Variants in MAP2 observed in about 807,000 individuals in gnomAD.
MAP2 encodes the protein microtubule associated protein 2.
In MAP2, 14 loss-of-function variants were observed where a neutral mutation model predicts 137.6. The ratio of observed to expected loss-of-function variants is 0.10; its 90% CI spans 0.07 to 0.16. MAP2 has a LOEUF of 0.16. Ranked by LOEUF, MAP2 falls within the 10% of genes least tolerant of loss-of-function variation. The pLI, the probability that MAP2 is intolerant of heterozygous loss-of-function variation, is 1.00. For missense variants in MAP2, 2,088 were observed against 2,191.5 expected, an observed-to-expected ratio of 0.95 and a Z score of 0.94; for synonymous variants, 786 against 782.3, an observed-to-expected ratio of 1.00 and a Z score of -0.08.
chr2:209,532,780 C>T (rs1233944569), intron 2 of MAP2, among the ~76,000 whole-genome samples: 2 of 152,168 alleles, frequency 1.3e-5, no homozygotes, highest in Non-Finnish European at 2.9e-5. Flanking sequence ...GTTGTACAGG[C>T]TATTTGCATT....
intron 1 of MAP2, among the ~76,000 whole-genome samples, chr2:209,497,868 A>G (rs1037470737): frequency 3.0e-4 from 45 of 152,300 alleles, no homozygotes; most frequent in African/African-American, 9.6e-4. Flanking sequence ...ACTGGGGATT[A>G]CAATTCAACA....
At chr2:209,576,722 G>C (rs1460843473) in intron 2 of MAP2, among the ~76,000 whole-genome samples, 1 of 152,062 alleles carries the variant, frequency 6.6e-6, no homozygotes, top group Non-Finnish European at 1.5e-5. Context: ...ACAGAAGAAG[G>C]GTAAGGCAAG....
intron 1 of MAP2, among the ~76,000 whole-genome samples, chr2:209,447,045 C>A (rs1331110420): frequency 6.6e-6 from 1 of 151,928 alleles, no homozygotes; most frequent in East Asian, 1.9e-4. Context: ...CAACCCACAT[C>A]TTGATTTTTC....
intron 4 of MAP2, among the ~76,000 whole-genome samples, chr2:209,651,160 A>G (rs2153604938): frequency 6.6e-6 from 1 of 152,316 alleles, no homozygotes; most frequent in African/African-American, 2.4e-5. Context: ...TGTGACTGGA[A>G]GAAAATGGCA....
intron 2 of MAP2, among the ~76,000 whole-genome samples, chr2:209,565,751 C>A (rs1201529056): frequency 6.6e-6 from 1 of 152,158 alleles, no homozygotes; most frequent in Admixed American, 6.6e-5. Flanking sequence ...CAAATTCATC[C>A]TCTCTAGTAC....
chr2:209,525,911 C>T (rs1206948943), intron 2 of MAP2, among the ~76,000 whole-genome samples: 1 of 152,030 alleles, frequency 6.6e-6, no homozygotes, highest in Non-Finnish European at 1.5e-5. Flanking sequence ...TGTCATATTT[C>T]TTTTCTTGTG....
At chr2:209,642,371 G>A (rs1281498881) in intron 4 of MAP2, among the ~76,000 whole-genome samples, 1 of 150,518 alleles carries the variant, frequency 6.6e-6, no homozygotes, top group South Asian at 2.1e-4. Flanking sequence ...AGACTGCAGC[G>A]AGCTATGATT....
intron 1 of MAP2, among the ~76,000 whole-genome samples, chr2:209,458,159 C>T (rs1001839808): frequency 2.6e-5 from 4 of 152,038 alleles, no homozygotes; most frequent in Admixed American, 1.3e-4. Flanking sequence ...TTGTAAAAGG[C>T]TTGGCTATAC....
chr2:209,466,030 G>A (rs10737940), intron 1 of MAP2, among the ~76,000 whole-genome samples: 95,383 of 151,858 alleles, frequency 0.63, 30,200 homozygotes, highest in Middle Eastern at 0.67. Context: ...ACCCAAAGCT[G>A]TCATTGAATG....
intron 2 of MAP2, among the ~76,000 whole-genome samples, chr2:209,575,452 T>C (rs754756229): frequency 8.9e-5 from 11 of 122,986 alleles, no homozygotes; most frequent in Admixed American, 2.3e-4. Context: ...ACCCGGGAGG[T>C]GGAGCTTGCA....
At chr2:209,662,905 T>C (rs2044352091) in intron 5 of MAP2, among the ~76,000 whole-genome samples, 1 of 152,116 alleles carries the variant, frequency 6.6e-6, no homozygotes, top group Non-Finnish European at 1.5e-5. Flanking sequence ...TGCTCAAATA[T>C]CTTGAGACTA....
intron 2 of MAP2, among the ~76,000 whole-genome samples, chr2:209,527,658 T>C (rs1179388763): frequency 6.6e-6 from 1 of 152,180 alleles, no homozygotes; most frequent in Admixed American, 6.6e-5. Flanking sequence ...AGGTGAGAGC[T>C]GAGCTCCTGA....
Position 209,693,867 on chromosome 2 carries a change from A to C in MAP2, c.1697A>C (p.Lys566Thr). 1 of 1,613,004 alleles carries C rather than the reference A, an allele frequency of 6.2e-7. No individual in the cohort carries two copies. The highest frequency in any genetic ancestry group is 8.5e-7 in the Non-Finnish European group (1 of 1,179,688). Residue 566 changes from lysine to threonine, a missense_variant, in exon 8 of 16, where the codon AAA becomes ACA. This residue lies in a region of MAP2 where 859 missense variants were observed against 794.5 expected (regional missense o/e 1.08). Transcript: ENST00000682079. ...AELDMPFYED[K>T]SGMSKYFETS... ...CTTGATATGCCATTTTATGAAGATA[A>C]ATCAGGAATGTCCAAGTACTTTGAA...
intron 1 of MAP2, among the ~76,000 whole-genome samples, chr2:209,492,840 TATC>T (rs1441381742): frequency 6.6e-6 from 1 of 152,000 alleles, no homozygotes; most frequent in East Asian, 1.9e-4. Context: ...GAAGAAACAA[TATC>T]ATGAAAATGG....
Position 209,650,116 on chromosome 2 carries a change from G to A in MAP2, c.-29-3026G>A, listed in dbSNP as rs768736539. Among the ~76,000 whole-genome samples the A allele has an allele frequency of 6.6e-5, 10 of 152,308 alleles. 1 individual carries two copies. The East Asian group carries it at 1.5e-3, about 24-fold the overall frequency. On this transcript the variant is annotated intron_variant, in intron 4 of 15. Transcript: ENST00000682079. ...GTTCCAGAAAGCTCTATGGCAGGGG[G>A]ATGAGAGAAGTCAAATGTAACTGAG...
At chr2:209,542,302 TATCATCCAGGCTTTCCATTTAC>T (rs1418733690) in intron 2 of MAP2, among the ~76,000 whole-genome samples, 1 of 152,232 alleles carries the variant, frequency 6.6e-6, no homozygotes, top group Non-Finnish European at 1.5e-5. Context: ...ACAGATATGC[TATCATCCAGGCTTTCCATTTAC>T]ATCATCCAGG....
At chr2:209,618,369 A>G (rs1460194106) in intron 3 of MAP2, among the ~76,000 whole-genome samples, 4 of 152,224 alleles carry the variant, frequency 2.6e-5, no homozygotes, top group African/African-American at 9.6e-5. Flanking sequence ...TCACAATACA[A>G]AAGTCCTTGA....
chr2:209,656,970 T>A (rs1176845329), intron 5 of MAP2, among the ~76,000 whole-genome samples: 1 of 152,172 alleles, frequency 6.6e-6, no homozygotes, highest in African/African-American at 2.4e-5. Context: ...ATTATTTCCA[T>A]ATTTATGTCC....
At chr2:209,671,118 T>G (rs563082314) in intron 5 of MAP2, among the ~76,000 whole-genome samples, 29 of 152,034 alleles carry the variant, frequency 1.9e-4, no homozygotes, top group African/African-American at 6.7e-4. Flanking sequence ...TCGCTAAATC[T>G]TTAGAAGAAA....
Sources: gnomAD v4.1 joint callset for allele counts (sites outside exome capture counted in the v4.1 genomes callset) on GRCh38, gnomAD v4.1.1 for gene constraint, gnomAD v4.1.1 regional missense constraint, MANE v1.5 for transcripts, NCBI Gene and HGNC (gene_info 2026-07-23, HGNC 2026-07-21) for gene names.